The following GPC5 variants were observed in gnomAD, a reference collection of about 807,000 sequenced individuals.
GPC5 encodes glypican 5.
A neutral mutation model predicts 53.9 loss-of-function variants in GPC5; 47 were observed. The ratio of observed to expected loss-of-function variants is 0.87; its 90% CI spans 0.69 to 1.11. The LOEUF (loss-of-function observed/expected upper bound fraction) is 1.11, where lower values mean the gene tolerates loss of function less well. Ranked by LOEUF, GPC5 falls within the 50% of genes most tolerant of loss-of-function variation. The pLI is 0.00. For synonymous variants in GPC5, 286 were observed against 263.3 expected (o/e 1.09, Z -0.84); for missense variants, 748 against 713.1 (o/e 1.05, Z -0.56).
In GPC5 at chr13:91,398,731, C is replaced by A; in HGVS notation, c.-316C>A. The A allele has an allele frequency of 3.2e-6, 1 of 316,490 alleles. No homozygotes were observed. Among genetic ancestry groups the A allele is most frequent in the Non-Finnish European group, 5.8e-6 (1 of 173,370 alleles). The allele number at this position is 316,490 out of a possible 1,614,324, so 19.6% of individuals were successfully genotyped here. ...GCGGCAGCAGTTGCAGCAGTGGTGG[C>A]CAGAGCGGATGCTTGCGGGCTCCCT... On this transcript the variant is annotated 5_prime_UTR_variant, in exon 1 of 8. Coordinates refer to ENST00000377067, the MANE Select transcript of GPC5 (RefSeq NM_004466.6).
At chr13:92,480,345 A>G (rs1879301937) in intron 7 of GPC5, among the ~76,000 whole-genome samples, 3 of 152,160 alleles carry the variant, frequency 2.0e-5, no homozygotes, top group Admixed American at 2.0e-4. Flanking sequence ...CAGGGAAAAA[A>G]AGTAAAAAGC....
chr13:92,382,364 A>G (rs2043755958), intron 7 of GPC5, among the ~76,000 whole-genome samples: 1 of 152,074 alleles, frequency 6.6e-6, no homozygotes, highest in Non-Finnish European at 1.5e-5. Context: ...TAACTTATGG[A>G]AAAATAAAAA....
chr13:92,290,851 T>C (rs12872518), intron 7 of GPC5, among the ~76,000 whole-genome samples: 12,996 of 152,166 alleles, frequency 0.085, 612 homozygotes, highest in Middle Eastern at 0.12. Context: ...TGGCCAGGGC[T>C]GGAGCTGGCT....
At chr13:92,305,910 G>T (rs564199518) in intron 7 of GPC5, among the ~76,000 whole-genome samples, 1 of 152,298 alleles carries the variant, frequency 6.6e-6, no homozygotes, top group Admixed American at 6.5e-5. Flanking sequence ...GTGGCCAGAG[G>T]TAACTAGGAT....
intron 7 of GPC5, among the ~76,000 whole-genome samples, chr13:92,395,009 ATAGT>A (rs1875194101): frequency 6.6e-6 from 1 of 152,176 alleles, no homozygotes; most frequent in Non-Finnish European, 1.5e-5. Flanking sequence ...CAGAGTCTTT[ATAGT>A]TAAAGTACAT....
At chr13:92,019,528 T>A (rs891798057) in intron 6 of GPC5, among the ~76,000 whole-genome samples, 2 of 152,082 alleles carry the variant, frequency 1.3e-5, no homozygotes, top group African/African-American at 4.8e-5. Flanking sequence ...CAGAATATAA[T>A]ATGAATCTCT....
intron 6 of GPC5, among the ~76,000 whole-genome samples, chr13:92,012,915 G>A (rs955423819): frequency 6.6e-6 from 1 of 152,198 alleles, no homozygotes; most frequent in African/African-American, 2.4e-5. Flanking sequence ...AGGACTCACA[G>A]CCAGACCAGG....
chr13:92,053,793 G>A (rs2041050554), intron 6 of GPC5, among the ~76,000 whole-genome samples: 1 of 151,960 alleles, frequency 6.6e-6, no homozygotes, highest in Non-Finnish European at 1.5e-5. Flanking sequence ...ACTTTGGGAG[G>A]CCGAGGTGGG....
chr13:91,595,769 C>T (rs1376927652), intron 2 of GPC5, among the ~76,000 whole-genome samples: 1 of 152,158 alleles, frequency 6.6e-6, no homozygotes, highest in Non-Finnish European at 1.5e-5. Flanking sequence ...TTGAAGGAGC[C>T]CATAGAGTTG....
intron 7 of GPC5, among the ~76,000 whole-genome samples, chr13:92,691,987 T>C (rs921930022): frequency 6.6e-6 from 1 of 152,138 alleles, no homozygotes; most frequent in African/African-American, 2.4e-5. Context: ...ATGGTGAGCA[T>C]AATATGGAAC....
At chr13:92,285,549 A>G (rs2042948002) in intron 7 of GPC5, among the ~76,000 whole-genome samples, 1 of 152,192 alleles carries the variant, frequency 6.6e-6, no homozygotes. Flanking sequence ...AGAGATATAG[A>G]CCAATGGAAC....
intron 7 of GPC5, among the ~76,000 whole-genome samples, chr13:92,156,816 CT>C (rs1438121538): frequency 1.4e-4 from 22 of 151,868 alleles, no homozygotes; most frequent in Non-Finnish European, 1.6e-4. Context: ...TCCTTTCCCC[CT>C]GATTTACATA....
intron 6 of GPC5, among the ~76,000 whole-genome samples, chr13:92,048,437 T>C (rs942780816): frequency 2.0e-5 from 3 of 152,074 alleles, no homozygotes; most frequent in Non-Finnish European, 4.4e-5. Context: ...TGAAAACAGG[T>C]TGGAGGGCAG....
In GPC5 at chr13:91,536,386, C is replaced by T. The variant is rs142754089; in HGVS notation, c.325+87464C>T. On this transcript the variant is annotated intron_variant, in intron 2 of 7. Coordinates refer to ENST00000377067, the MANE Select transcript of GPC5 (RefSeq NM_004466.6). ...TCTCACTAGTGGCCTCGAGAAATAA[C>T]AGCCTACATTCCTGGCAATGAAGAT... Among the ~76,000 whole-genome samples, 536 of 152,296 alleles carry T rather than the reference C, an allele frequency of 3.5e-3. 4 individuals carry two copies. The highest frequency in any genetic ancestry group is 0.012 in the African/African-American group (515 of 41,568).
intron 5 of GPC5, among the ~76,000 whole-genome samples, chr13:91,866,698 A>T (rs4555011): frequency 6.6e-6 from 1 of 152,196 alleles, no homozygotes; most frequent in Non-Finnish European, 1.5e-5. Context: ...GGTCCCAGGT[A>T]TTCCTTTATA....
At chr13:91,936,275 C>T (rs1307343815) in intron 6 of GPC5, among the ~76,000 whole-genome samples, 2 of 151,978 alleles carry the variant, frequency 1.3e-5, no homozygotes, top group African/African-American at 4.8e-5. Flanking sequence ...TGGATCTTGC[C>T]TCCTTTGCCT....
chr13:92,465,128 A>C (rs1282184296), intron 7 of GPC5, among the ~76,000 whole-genome samples: 1 of 152,058 alleles, frequency 6.6e-6, no homozygotes, highest in African/African-American at 2.4e-5. Context: ...TTCAAAGGGC[A>C]GACACAATTT....
intron 7 of GPC5, among the ~76,000 whole-genome samples, chr13:92,259,603 C>G (rs1194003750): frequency 1.3e-5 from 2 of 152,136 alleles, no homozygotes; most frequent in East Asian, 1.9e-4. Flanking sequence ...TCTCATCTTA[C>G]TAATCATTGG....
chr13:92,342,805 A>G lies in GPC5; in HGVS notation c.1561+197816A>G, dbSNP rs1275076632. ...TTAAGATAATGTTCTAATTTCTAAC[A>G]AATCCAAAAACATATAACCACTTTG... On this transcript the variant is annotated intron_variant, in intron 7 of 7. Coordinates refer to ENST00000377067, the MANE Select transcript of GPC5 (RefSeq NM_004466.6). Among the ~76,000 whole-genome samples, 3 of 152,138 alleles carry G rather than the reference A, an allele frequency of 2.0e-5. No homozygotes were observed. In the East Asian group the frequency reaches 5.8e-4, roughly 29 times the overall value.
Sources: gnomAD v4.1 joint callset for allele counts (sites outside exome capture counted in the v4.1 genomes callset) on GRCh38, gnomAD v4.1.1 for gene constraint, MANE v1.5 for transcripts, NCBI Gene and HGNC (gene_info 2026-07-23, HGNC 2026-07-21) for gene names.